The following IL16 variants were observed in gnomAD, a reference collection of about 807,000 sequenced individuals.
The protein encoded by IL16 is interleukin 16.
IL16 carries 67 observed loss-of-function variants against 110.1 expected under a neutral mutation model. The observed-to-expected ratio is 0.61, with a 90% CI of 0.50 to 0.75. IL16 has a LOEUF of 0.75. Ranked by LOEUF, IL16 falls within the 30% of genes least tolerant of loss-of-function variation. The pLI, the probability that IL16 is intolerant of heterozygous loss-of-function variation, is 0.00. For missense variants in IL16, 1,545 were observed against 1,655.0 expected, an observed-to-expected ratio of 0.93 and a Z score of 1.15; for synonymous variants, 689 against 662.9, an observed-to-expected ratio of 1.04 and a Z score of -0.61.
chr15:81,185,507 C>T (rs1595930054), intron 1 of IL16, among the ~76,000 whole-genome samples: 1 of 152,112 alleles, frequency 6.6e-6, no homozygotes, highest in African/African-American at 2.4e-5. Context: ...AGGAGCGTGC[C>T]ACCATGCCTG....
intron 1 of IL16, among the ~76,000 whole-genome samples, chr15:81,220,266 T>C (rs146555688): frequency 6.6e-4 from 100 of 152,282 alleles, no homozygotes; most frequent in African/African-American, 2.3e-3. Context: ...TCCTGAGTAG[T>C]TGGGACCACA....
intron 2 of IL16, among the ~76,000 whole-genome samples, chr15:81,231,503 G>C (rs1896988175): frequency 6.6e-6 from 1 of 152,150 alleles, no homozygotes; most frequent in Admixed American, 6.5e-5. Context: ...CTCCTGAGTA[G>C]TTGGGACTAC....
chr15:81,299,660 T>C lies in IL16; in HGVS notation c.2334T>C (p.Thr778=), dbSNP rs748322457. ...TTTACAAGTCAGCAGACAGCAGCAC[T>C]GTGAAGAAAGGTCCTCCTGTGGCTC... is the stretch of plus-strand genomic sequence containing the variant. ...PKVYKSADSS[T]VKKGPPVAPK... is the part of the protein sequence containing the mutation. Residue 778 remains threonine, a synonymous_variant, in exon 14 of 19, where the codon ACT becomes ACC. Coordinates refer to ENST00000683961, the MANE Select transcript of IL16 (RefSeq NM_172217.5). 1.2e-6 allele frequency: 2 copies of C among 1,614,056 alleles called. No homozygotes were observed. Among genetic ancestry groups the C allele is most frequent in the African/African-American group, 2.7e-5 (2 of 74,908 alleles).
chr15:81,269,792 A>G, intron 5 of IL16, 144 bp downstream of exon 5: 1 of 615,010 alleles, frequency 1.6e-6, no homozygotes, highest in Non-Finnish European at 2.9e-6. Context: ...GGCTAGTCTT[A>G]AAACTCACAC....
chr15:81,274,461 T>C (rs1231733052), intron 6 of IL16, among the ~76,000 whole-genome samples: 1 of 152,180 alleles, frequency 6.6e-6, no homozygotes, highest in Non-Finnish European at 1.5e-5. Flanking sequence ...CCTCACAAAG[T>C]GCTGGGATTA....
intron 9 of IL16, among the ~76,000 whole-genome samples, chr15:81,283,661 T>A (rs967143092): frequency 3.3e-5 from 5 of 152,176 alleles, no homozygotes; most frequent in Non-Finnish European, 5.9e-5. Context: ...AAATAGGAGC[T>A]TTGATGAGGT....
At chr15:81,243,164 T>TATATATATACATATATATATATA (rs60077602) in intron 2 of IL16, among the ~76,000 whole-genome samples, 1 of 15,774 alleles carries the variant, frequency 6.3e-5, no homozygotes, top group Non-Finnish European at 1.1e-4. Context: ...TATATATATA[T>TATATATATACATATATATATATA]TTTTTTTTTT....
At chr15:81,271,258 ATAAATAAAATAAAATAAAT>A (rs1011228608) in intron 5 of IL16, among the ~76,000 whole-genome samples, 1 of 150,826 alleles carries the variant, frequency 6.6e-6, no homozygotes, top group Non-Finnish European at 1.5e-5. Context: ...CTCTACAAAA[ATAAATAAAATAAAATAAAT>A]TAAATAAAAT....
chr15:81,296,796 C>T (rs1900006475), intron 12 of IL16, 132 bp from the exon 13 acceptor site: 1 of 773,498 alleles, frequency 1.3e-6, no homozygotes, highest in Non-Finnish European at 2.1e-6. Context: ...ATCCTCTTTA[C>T]ATGGCTGCTG....
At chr15:81,200,662 T>C (rs1177818700) in intron 1 of IL16, among the ~76,000 whole-genome samples, 2 of 152,230 alleles carry the variant, frequency 1.3e-5, no homozygotes, top group Non-Finnish European at 2.9e-5. Context: ...TGAGCCACCA[T>C]GCCTAGCCTA....
chr15:81,235,568 G>A (rs1897153329), intron 2 of IL16, among the ~76,000 whole-genome samples: 1 of 152,124 alleles, frequency 6.6e-6, no homozygotes, highest in African/African-American at 2.4e-5. Context: ...AGATTTGGAG[G>A]AGACAAAACA....
intron 2 of IL16, among the ~76,000 whole-genome samples, chr15:81,231,381 T>TCTCTCTCTCC: frequency 6.9e-6 from 1 of 144,402 alleles, no homozygotes; most frequent in East Asian, 2.0e-4. Flanking sequence ...TCTCTCTCTC[T>TCTCTCTCTCC]CCCTCTCTTA....
chr15:81,271,190 G>T (rs1898618952), intron 5 of IL16, among the ~76,000 whole-genome samples: 1 of 152,000 alleles, frequency 6.6e-6, no homozygotes. Context: ...ACTTTGGGAG[G>T]CCTCCTGTTT....
intron 12 of IL16, among the ~76,000 whole-genome samples, chr15:81,296,256 T>C (rs1255154085): frequency 6.6e-6 from 1 of 152,230 alleles, no homozygotes; most frequent in Non-Finnish European, 1.5e-5. Flanking sequence ...ATCCAAACTC[T>C]TCAAGTATTG....
intron 1 of IL16, among the ~76,000 whole-genome samples, chr15:81,215,905 A>G (rs1459889623): frequency 6.6e-6 from 1 of 152,092 alleles, no homozygotes; most frequent in African/African-American, 2.4e-5. Context: ...TGCACTGGGG[A>G]TTCTATGTGC....
intron 2 of IL16, among the ~76,000 whole-genome samples, chr15:81,234,997 G>A (rs1402060337): frequency 6.6e-6 from 1 of 152,010 alleles, no homozygotes; most frequent in Non-Finnish European, 1.5e-5. Context: ...TCTCTTTCTT[G>A]TACCACTCTC....
At chr15:81,211,541 C>T (rs148805822) in intron 1 of IL16, among the ~76,000 whole-genome samples, 105 of 152,244 alleles carry the variant, frequency 6.9e-4, no homozygotes, top group African/African-American at 2.3e-3. Flanking sequence ...CATGAGCCAC[C>T]GCGCTTGGCC....
At chr15:81,308,463 A>T in intron 18 of IL16, 142 bp from the exon 19 acceptor site, 1 of 608,414 alleles carries the variant, frequency 1.6e-6, no homozygotes, top group Non-Finnish European at 2.9e-6. Context: ...GCCTCATTTT[A>T]GAACCACCAA....
chr15:81,285,958 C>A, intron 10 of IL16, 128 bp downstream of exon 10: 1 of 987,676 alleles, frequency 1.0e-6, no homozygotes, highest in Non-Finnish European at 1.5e-6. Flanking sequence ...GAATCCCTTC[C>A]AAGTTTCTGT....
Sources: gnomAD v4.1 joint callset for allele counts (sites outside exome capture counted in the v4.1 genomes callset) on GRCh38, gnomAD v4.1.1 for gene constraint, MANE v1.5 for transcripts, NCBI Gene and HGNC (gene_info 2026-07-23, HGNC 2026-07-21) for gene names.